The following KANSL1 variants were observed in gnomAD, a reference collection of about 807,000 sequenced individuals.
The protein encoded by KANSL1 is MLL1/MLL complex subunit KANSL1.
In KANSL1, 22 loss-of-function variants were observed where a neutral mutation model predicts 103.6. The observed-to-expected ratio is 0.21, with a 90% CI of 0.15 to 0.30. The LOEUF is 0.30. Ranked by LOEUF, KANSL1 falls within the 10% of genes least tolerant of loss-of-function variation. The pLI is 1.00. For synonymous variants in KANSL1, 600 were observed against 527.6 expected (o/e 1.14, Z -1.88); for missense variants, 1,337 against 1,399.8 (o/e 0.96, Z 0.72).
rs559872086 is a variant in KANSL1 at position 46,069,260 on chromosome 17, C to T, written c.1534-1593G>A. Reference sequence around the variant, plus strand: ...TTACACTTGAACTGACTCTGGGGCACGCTGAAGTTCTCTTTCCTATAAAAG... The same window carrying T: ...TTACACTTGAACTGACTCTGGGGCATGCTGAAGTTCTCTTTCCTATAAAAG... On this transcript the variant is annotated intron_variant, in intron 4 of 14. Transcript: ENST00000432791. Among the ~76,000 whole-genome samples the T allele has an allele frequency of 7.9e-5, 12 of 152,200 alleles. No homozygotes were observed. The East Asian group carries it at 1.7e-3, about 22-fold the overall frequency.
intron 2 of KANSL1, among the ~76,000 whole-genome samples, chr17:46,104,965 G>A (rs1391914281): frequency 6.6e-6 from 1 of 152,036 alleles, no homozygotes; most frequent in African/African-American, 2.4e-5. Context: ...ACAGGTGCCC[G>A]TCACCACGCC....
chr17:46,189,031 C>CAAAAAAAAAAAAAAAAAAAAAAAAAAAA (rs57566816), intron 1 of KANSL1, among the ~76,000 whole-genome samples: 4 of 62,382 alleles, frequency 6.4e-5, no homozygotes, highest in Admixed American at 1.7e-4. Flanking sequence ...AAGATTGTCT[C>CAAAAAAAAAAAAAAAAAAAAAAAAAAAA]AAAAAAAAAA....
intron 2 of KANSL1, chr17:46,121,440 T>C (rs3087534): frequency 0.14 from 21,692 of 152,168 alleles, 2,129 homozygotes; most frequent in Non-Finnish European, 0.22. Flanking sequence ...CTTAAAGTTT[T>C]GGCACTGGCT....
intron 1 of KANSL1, among the ~76,000 whole-genome samples, chr17:46,173,661 G>A (rs549772819): frequency 1.3e-5 from 2 of 152,160 alleles, no homozygotes; most frequent in Admixed American, 6.5e-5. Context: ...CAAAAACAAA[G>A]GTGAACAAAA....
chr17:46,209,282 T>C (rs1403528399), intron 1 of KANSL1, among the ~76,000 whole-genome samples: 2 of 152,194 alleles, frequency 1.3e-5, no homozygotes, highest in African/African-American at 2.4e-5. Context: ...ATAAGTGGGA[T>C]TGATAAAAAG....
rs758128635 is a variant in KANSL1 at position 46,171,487 on chromosome 17, G to A, written c.657C>T (p.His219=). The change falls in exon 2 of 15, where the codon CAC becomes CAT. Residue 219 remains histidine, a synonymous_variant. Transcript: ENST00000432791. Reference sequence around the variant, plus strand: ...TGCTATTATTGCTATACAAAGTTGTGTGTTCTACATCAAGGCTTCTATGTG... The same window carrying A: ...TGCTATTATTGCTATACAAAGTTGTATGTTCTACATCAAGGCTTCTATGTG... ...TLPHRSLDVE[H]TTLYSNNSTA... 6.2e-7 allele frequency: 1 copy of A among 1,614,116 alleles called. No individual in the cohort carries two copies. Among genetic ancestry groups the A allele is most frequent in the Non-Finnish European group, 8.5e-7 (1 of 1,180,038 alleles).
At chr17:46,222,934 T>C (rs1176721990) in intron 1 of KANSL1, 2 of 151,552 alleles carry the variant, frequency 1.3e-5, no homozygotes, top group Non-Finnish European at 2.9e-5. Flanking sequence ...AGCTCTGCCC[T>C]TTGCTTAGTC....
chr17:46,115,137 G>A (rs1441821019), intron 2 of KANSL1, among the ~76,000 whole-genome samples: 3 of 152,096 alleles, frequency 2.0e-5, no homozygotes, highest in Non-Finnish European at 4.4e-5. Context: ...TTGGCTCACT[G>A]CAACCTCCAC....
At chr17:46,134,227 GTC>G (rs2044009670) in intron 2 of KANSL1, among the ~76,000 whole-genome samples, 1 of 151,044 alleles carries the variant, frequency 6.6e-6, no homozygotes, top group African/African-American at 2.4e-5. Flanking sequence ...GAGAAACCTT[GTC>G]TCTACTAAAA....
rs1567680988 is a variant in KANSL1 at position 46,105,949 on chromosome 17, C to CACACACACACACACACACACA, written c.1290-11249_1290-11248insTGTGTGTGTGTGTGTGTGTGT. Among the ~76,000 whole-genome samples the CACACACACACACACACACACA allele has an allele frequency of 8.9e-4, 44 of 49,278 alleles. 1 individual carries two copies. The highest frequency in any genetic ancestry group is 2.6e-3 in the African/African-American group (40 of 15,536). The allele number at this position is 49,278 out of a possible 152,430, so 32.3% of individuals were successfully genotyped here. A position where few individuals can be genotyped will look rare whatever the true frequency, so the allele number is the denominator to read the frequency against. On this transcript the variant is annotated intron_variant, in intron 2 of 14. Transcript: ENST00000432791. ...CACACACACACACACACACACACAC[C>CACACACACACACACACACACA]CCCCCAGAAGGGTGAAGGAGCAGAA...
intron 3 of KANSL1, among the ~76,000 whole-genome samples, chr17:46,084,297 G>A (rs968721836): frequency 2.6e-5 from 4 of 152,088 alleles, no homozygotes; most frequent in South Asian, 2.1e-4. Context: ...AAGGAGAATC[G>A]CTTGAACTCA....
chr17:46,135,933 T>C (rs1330495774), intron 2 of KANSL1, among the ~76,000 whole-genome samples: 1 of 152,196 alleles, frequency 6.6e-6, no homozygotes, highest in Non-Finnish European at 1.5e-5. Flanking sequence ...ATGTATCTAT[T>C]TGATTTCAAT....
chr17:46,158,777 G>A (rs920219331), intron 2 of KANSL1, among the ~76,000 whole-genome samples: 2 of 152,190 alleles, frequency 1.3e-5, no homozygotes, highest in African/African-American at 4.8e-5. Context: ...CTGACCTCAA[G>A]CGATCTGCCT....
chr17:46,066,737 AC>A lies in KANSL1; in HGVS notation c.1653-6del, dbSNP rs760905803. On this transcript the variant is annotated splice_region_variant and splice_polypyrimidine_tract_variant and intron_variant, in intron 5 of 14. Transcript: ENST00000432791. ...TCTGCCAAGACAGGCTGAAGACTAT[AC>A]AAGGGGAAGGAAGAGTATTCTCAGA... The A allele has an allele frequency of 1.6e-5, 25 of 1,607,074 alleles. No homozygotes were observed. In the South Asian group the frequency reaches 2.5e-4, roughly 16 times the overall value.
chr17:46,117,271 G>A (rs975692480), intron 2 of KANSL1, among the ~76,000 whole-genome samples: 5 of 152,240 alleles, frequency 3.3e-5, no homozygotes, highest in African/African-American at 1.2e-4. Context: ...TGTGCACACA[G>A]TACTTGACGA....
intron 2 of KANSL1, among the ~76,000 whole-genome samples, chr17:46,138,610 TG>T (rs1189938933): frequency 6.6e-6 from 1 of 152,248 alleles, no homozygotes; most frequent in Admixed American, 6.5e-5. Flanking sequence ...AAAACACCTC[TG>T]GTCCCAAACA....
chr17:46,187,460 T>A (rs1173583174), intron 1 of KANSL1, among the ~76,000 whole-genome samples: 1 of 152,236 alleles, frequency 6.6e-6, no homozygotes, highest in African/African-American at 2.4e-5. Flanking sequence ...CCAGAGTTTT[T>A]AAAATAACAT....
chr17:46,104,098 A>AT (rs899924468), intron 2 of KANSL1, among the ~76,000 whole-genome samples: 1 of 152,074 alleles, frequency 6.6e-6, no homozygotes, highest in Non-Finnish European at 1.5e-5. Flanking sequence ...CAGCTGATAA[A>AT]TTTTTTTTGT....
At position 46,033,446 on chromosome 17, in the gene KANSL1, T is replaced by A. The variant is rs1224615162; in HGVS notation, c.2681A>T (p.Asp894Val). Residue 894 changes from aspartate to valine, a missense_variant, in exon 12 of 15, where the codon GAT (aspartate) becomes GTT (valine). Coordinates refer to ENST00000432791, the MANE Select transcript of KANSL1 (RefSeq NM_015443.4). Reference protein sequence around the residue: ...EILTPSWREVDLQSLKGSPDE... With the variant: ...EILTPSWREVVLQSLKGSPDE... ...AGGACTCCCCTTCAGAGACTGAAGA[T>A]CAACCTCCCGCCAGCTGCAAAACCA... is the stretch of plus-strand genomic sequence containing the variant. 1 of 1,613,998 alleles carries A rather than the reference T, an allele frequency of 6.2e-7. No homozygotes were observed. Among genetic ancestry groups the A allele is most frequent in the African/African-American group, 1.3e-5 (1 of 74,900 alleles).
Sources: gnomAD v4.1 joint callset for allele counts (sites outside exome capture counted in the v4.1 genomes callset) on GRCh38, gnomAD v4.1.1 for gene constraint, MANE v1.5 for transcripts, NCBI Gene and HGNC (gene_info 2026-07-23, HGNC 2026-07-21) for gene names.